The following B4GALT1 variants were observed in gnomAD, a reference collection of about 807,000 sequenced individuals.
B4GALT1 encodes N-acetyllactosamine synthase.
Under a neutral mutation model 34.9 loss-of-function variants are expected in B4GALT1, and 16 were observed. That is an observed-to-expected ratio of 0.46 (90% CI 0.31 to 0.70). The LOEUF is 0.70. Among genes scored for constraint, B4GALT1 ranks in the 30% least tolerant of loss-of-function variants. The probability of loss-of-function intolerance (pLI) is 0.05; values close to 1 mark genes in which losing one functional copy is unlikely to be tolerated. For synonymous variants in B4GALT1, 221 were observed against 218.1 expected (o/e 1.01, Z -0.12); for missense variants, 445 against 530.5 (o/e 0.84, Z 1.58).
At chr9:33,114,472 A>G (rs900742965) in intron 4 of B4GALT1, among the ~76,000 whole-genome samples, 5 of 152,228 alleles carry the variant, frequency 3.3e-5, no homozygotes, top group Admixed American at 3.3e-4. Flanking sequence ...TTCTCAGAGC[A>G]TCCCACAAAC....
chr9:33,114,110 C>T (rs1366166671), intron 4 of B4GALT1, among the ~76,000 whole-genome samples: 4 of 152,324 alleles, frequency 2.6e-5, no homozygotes, highest in African/African-American at 9.6e-5. Flanking sequence ...TACCATGTGC[C>T]AGACACTGGG....
upstream of B4GALT1, among the ~76,000 whole-genome samples, chr9:33,169,855 A>G (rs1233866248): frequency 6.6e-6 from 1 of 151,380 alleles, no homozygotes; most frequent in East Asian, 2.0e-4. Context: ...GTGGATATCA[A>G]CTACCCAACA....
At chr9:33,108,405 G>C (rs1354750352), downstream of B4GALT1, among the ~76,000 whole-genome samples, 2 of 148,956 alleles carry the variant, frequency 1.3e-5, no homozygotes, top group Non-Finnish European at 3.0e-5. Context: ...TTGAAGCCGG[G>C]AGTTTGAGAC....
At chr9:33,140,005 C>T (rs1587740243) in intron 1 of B4GALT1, among the ~76,000 whole-genome samples, 1 of 152,380 alleles carries the variant, frequency 6.6e-6, no homozygotes, top group Non-Finnish European at 1.5e-5. Flanking sequence ...GAGTCCAGGT[C>T]ATGGCCTTGC....
intron 1 of B4GALT1, among the ~76,000 whole-genome samples, chr9:33,156,065 A>C (rs976033959): frequency 3.3e-5 from 5 of 151,950 alleles, no homozygotes; most frequent in Non-Finnish European, 2.9e-5. Flanking sequence ...CATAGCTATA[A>C]GGTGAAGGGA....
At chr9:33,118,180 TAGA>T (rs1157575704) in intron 3 of B4GALT1, among the ~76,000 whole-genome samples, 5 of 152,184 alleles carry the variant, frequency 3.3e-5, no homozygotes, top group African/African-American at 1.2e-4. Context: ...CGGAAGGGTA[TAGA>T]AGGATTTCTG....
chr9:33,122,511 A>T (rs554090051), intron 2 of B4GALT1, among the ~76,000 whole-genome samples: 52 of 150,914 alleles, frequency 3.4e-4, no homozygotes, highest in African/African-American at 1.1e-3. Context: ...CCATCTCAAA[A>T]AAATAAATAA....
intron 2 of B4GALT1, among the ~76,000 whole-genome samples, chr9:33,122,894 C>T (rs537927841): frequency 1.3e-4 from 20 of 152,184 alleles, no homozygotes; most frequent in African/African-American, 4.6e-4. Context: ...CCTGTAATCC[C>T]AGCATTAGGG....
In B4GALT1 at chr9:33,111,201, C is replaced by T. The variant is rs74995636; in HGVS notation, c.*2253G>A. 0.044 allele frequency: 5,496 copies of T among 126,228 alleles called. 139 individuals are homozygous for T. The highest frequency in any genetic ancestry group is 0.064 in the Non-Finnish European group (4,016 of 62,868). 7.8% of individuals were successfully genotyped at this position (126,228 alleles called of 1,614,324 possible). On this transcript the variant is annotated 3_prime_UTR_variant, in exon 6 of 6. Transcript: ENST00000379731. ...CAGCAAATGGGGGGAGCAGTATTTC[C>T]CTTGGTTCTAAGAATGAACCACATA...
At chr9:33,164,108 A>T (rs1840714629) in intron 1 of B4GALT1, among the ~76,000 whole-genome samples, 1 of 152,154 alleles carries the variant, frequency 6.6e-6, no homozygotes, top group Admixed American at 6.5e-5. Flanking sequence ...GTTTGCCCAT[A>T]ACCCACACCT....
chr9:33,174,990 A>AATATATATAT, the B4GALT1 span, among the ~76,000 whole-genome samples: 9 of 4,832 alleles, frequency 1.9e-3, no homozygotes, highest in African/African-American at 4.2e-3. Flanking sequence ...AAAAAAAAAA[A>AATATATATAT]ATATATATAT....
At chr9:33,147,105 A>G (rs13283483) in intron 1 of B4GALT1, among the ~76,000 whole-genome samples, 14,763 of 152,272 alleles carry the variant, frequency 0.097, 764 homozygotes, top group Middle Eastern at 0.12. Flanking sequence ...AAAAAGCTAC[A>G]GTCAAGTTTT....
At chr9:33,166,545 G>A (rs771422944) in intron 1 of B4GALT1, among the ~76,000 whole-genome samples, 4 of 152,300 alleles carry the variant, frequency 2.6e-5, no homozygotes, top group African/African-American at 7.2e-5. Flanking sequence ...TGCGGTCCCG[G>A]CCCCACGCCT....
chr9:33,150,791 T>C (rs1484735209), intron 1 of B4GALT1, among the ~76,000 whole-genome samples: 1 of 152,206 alleles, frequency 6.6e-6, no homozygotes. Context: ...GGCTTCCATT[T>C]TGGCAAGAGC....
At chr9:33,104,708 C>T (rs1220348064) in exon 3 of B4GALT1, 1 of 454,342 alleles carries the variant, frequency 2.2e-6, no homozygotes, top group Non-Finnish European at 4.4e-6. Flanking sequence ...GGACTAACCA[C>T]CATGCGCTGC....
chr9:33,152,919 C>T (rs779876439), intron 1 of B4GALT1, among the ~76,000 whole-genome samples: 1 of 152,034 alleles, frequency 6.6e-6, no homozygotes, highest in Non-Finnish European at 1.5e-5. Flanking sequence ...AATGGGCAAG[C>T]CAGCCATGGT....
At chr9:33,175,948 C>T in the B4GALT1 span, among the ~76,000 whole-genome samples, 37 of 152,312 alleles carry the variant, frequency 2.4e-4, no homozygotes, top group African/African-American at 7.2e-4. Flanking sequence ...TTCCCCCACA[C>T]GTCTAACATA....
At chr9:33,138,829 C>T (rs1009923217) in intron 1 of B4GALT1, among the ~76,000 whole-genome samples, 4 of 152,194 alleles carry the variant, frequency 2.6e-5, no homozygotes, top group Admixed American at 2.6e-4. Flanking sequence ...TCACCACCTA[C>T]AGCCAGACCT....
chr9:33,130,927 G>C (rs1203209669), intron 2 of B4GALT1, among the ~76,000 whole-genome samples: 1 of 152,158 alleles, frequency 6.6e-6, no homozygotes, highest in Non-Finnish European at 1.5e-5. Context: ...GATGAATGGA[G>C]AGTGGAGAGG....
Sources: gnomAD v4.1 joint callset for allele counts (sites outside exome capture counted in the v4.1 genomes callset) on GRCh38, gnomAD v4.1.1 for gene constraint, MANE v1.5 for transcripts, NCBI Gene and HGNC (gene_info 2026-07-23, HGNC 2026-07-21) for gene names.